Variants in TRMT44 observed in about 807,000 individuals in gnomAD.
TRMT44 encodes the protein probable tRNA (uracil-O(2)-)-methyltransferase.
In TRMT44, 78 loss-of-function variants were observed where a neutral mutation model predicts 77.3. That is an observed-to-expected ratio of 1.01 (90% CI 0.84 to 1.22). TRMT44 has a LOEUF of 1.22. TRMT44 is among the 50% of genes most tolerant of loss of function. The pLI is 0.00. For synonymous variants in TRMT44, 391 were observed against 383.3 expected (o/e 1.02, Z -0.23); for missense variants, 1,090 against 964.4 (o/e 1.13, Z -1.73).
rs1726723616 is a variant in TRMT44 at position 8,468,078 on chromosome 4, CTG to C, written c.1662_1663del (p.Cys554Ter). 6.2e-7 allele frequency: 1 copy of C among 1,613,986 alleles called. No homozygotes were observed. The highest frequency in any genetic ancestry group is 2.2e-5 in the East Asian group (1 of 44,880). On this transcript the variant is annotated frameshift_variant, in exon 9 of 11. Coordinates refer to ENST00000389737, the MANE Select transcript of TRMT44 (RefSeq NM_152544.3). LOFTEE classifies it high-confidence loss of function. ...RWVAAGSAGH[C>X]DGQQALDARV... is the part of the protein sequence containing the mutation. ...GGGTTGCTGCTGGCAGTGCTGGTCA[CTG>C]TGACGGTCAGCAAGCTCTGGACGCC...
intron 2 of TRMT44, among the ~76,000 whole-genome samples, chr4:8,491,493 G>A (rs1462278779): frequency 2.0e-5 from 3 of 152,254 alleles, no homozygotes; most frequent in Non-Finnish European, 2.9e-5. Flanking sequence ...GGGCCGCACA[G>A]GAGCCCATGG....
intron 6 of TRMT44, among the ~76,000 whole-genome samples, chr4:8,458,013 C>A (rs147840910): frequency 6.6e-5 from 10 of 152,290 alleles, no homozygotes; most frequent in African/African-American, 1.9e-4. Flanking sequence ...GTGCTGCCAA[C>A]CCAGCGCCAG....
At chr4:8,504,057 C>T in the TRMT44 span, among the ~76,000 whole-genome samples, 1 of 152,174 alleles carries the variant, frequency 6.6e-6, no homozygotes, top group East Asian at 1.9e-4. The surrounding 1 kb of genome is among the most constrained non-coding windows in gnomAD (Gnocchi z 5.3). Flanking sequence ...CCTGCTCCCC[C>T]TCCAGCCTCT....
the TRMT44 span, among the ~76,000 whole-genome samples, chr4:8,508,200 C>G: frequency 6.6e-6 from 1 of 152,086 alleles, no homozygotes; most frequent in Non-Finnish European, 1.5e-5. Flanking sequence ...AGACACTATA[C>G]CTGGCCTCAC....
intron 2 of TRMT44, among the ~76,000 whole-genome samples, chr4:8,448,657 G>A (rs1283307784): frequency 1.3e-5 from 2 of 152,366 alleles, no homozygotes; most frequent in African/African-American, 2.4e-5. Context: ...TCACAGTCCC[G>A]AGCAGGGAGC....
intron 1 of TRMT44, among the ~76,000 whole-genome samples, chr4:8,445,684 C>T (rs1004127333): frequency 1.3e-5 from 2 of 152,220 alleles, no homozygotes; most frequent in Non-Finnish European, 1.5e-5. Context: ...AGAGTTTTCT[C>T]GGCCCCACAC....
chr4:8,492,321 T>G (rs768656974), intron 2 of TRMT44, among the ~76,000 whole-genome samples: 1 of 152,176 alleles, frequency 6.6e-6, no homozygotes, highest in Non-Finnish European at 1.5e-5. Context: ...GTCCAGCCTT[T>G]CCTTTCAACA....
intron 10 of TRMT44, among the ~76,000 whole-genome samples, chr4:8,471,507 G>A (rs545054454): frequency 2.6e-5 from 4 of 152,238 alleles, no homozygotes; most frequent in Admixed American, 1.3e-4. Flanking sequence ...AGAGCAAGTC[G>A]GGTAGCCGCT....
At chr4:8,479,445 T>TG (rs1287681677), downstream of TRMT44, 1 of 151,934 alleles carries the variant, frequency 6.6e-6, no homozygotes, top group African/African-American at 2.4e-5. Context: ...ACCCAGGCTG[T>TG]GGGGGACGGG....
At chr4:8,515,329 A>G in the TRMT44 span, among the ~76,000 whole-genome samples, 1 of 152,190 alleles carries the variant, frequency 6.6e-6, no homozygotes, top group Admixed American at 6.5e-5. Flanking sequence ...GGAAATGGTC[A>G]TGGAGGATTC....
At chr4:8,470,964 G>A (rs944971539) in intron 9 of TRMT44, 120 bp from the exon 10 acceptor site, 9 of 689,734 alleles carry the variant, frequency 1.3e-5, no homozygotes, top group South Asian at 3.7e-5. Context: ...ATCGTCCTTC[G>A]TGCTGGAGTG....
At chr4:8,447,853 G>A (rs1021701677) in intron 2 of TRMT44, among the ~76,000 whole-genome samples, 5 of 152,204 alleles carry the variant, frequency 3.3e-5, no homozygotes, top group African/African-American at 1.2e-4. Context: ...CTCTGTGCTC[G>A]GCGATGCTGA....
At chr4:8,464,120 T>G in intron 7 of TRMT44, 29 bp downstream of exon 7, 1 of 1,583,758 alleles carries the variant, frequency 6.3e-7, no homozygotes, top group South Asian at 1.1e-5. Flanking sequence ...ATCAGGTGAA[T>G]GGCTGGGGAA....
chr4:8,462,149 G>A (rs1271940878), intron 6 of TRMT44, among the ~76,000 whole-genome samples: 4 of 152,182 alleles, frequency 2.6e-5, no homozygotes, highest in African/African-American at 9.7e-5. Context: ...GGTGGCTCAC[G>A]CCTGTAATCC....
chr4:8,467,462 T>C (rs1488262860), intron 8 of TRMT44, among the ~76,000 whole-genome samples: 1 of 152,156 alleles, frequency 6.6e-6, no homozygotes, highest in African/African-American at 2.4e-5. Context: ...GGTGTCAGTT[T>C]TTATTTTGTA....
intron 10 of TRMT44, 23 bp downstream of exon 10, chr4:8,471,223 G>T (rs375528488): frequency 6.8e-7 from 1 of 1,462,274 alleles, no homozygotes. Context: ...CCTCTCCCCC[G>T]CCGTTCTTTC....
In TRMT44 at chr4:8,446,628, C is replaced by A; in HGVS notation, c.734+38C>A. The A allele has an allele frequency of 2.8e-6, 4 of 1,416,518 alleles. No homozygotes were observed. Among genetic ancestry groups the A allele is most frequent in the Non-Finnish European group, 1.9e-6 (2 of 1,046,650 alleles). The allele number at this position is 1,416,518 out of a possible 1,614,324, so 87.7% of individuals were successfully genotyped here. ...CAGTGGACTCCTAGTTTTATGGTTT[C>A]CATTGAGGATTTCTTTAGGTAGCCA... On this transcript the variant is annotated intron_variant, in intron 2 of 10. Transcript: ENST00000389737. The surrounding 1 kb of genome is among the most constrained non-coding windows in gnomAD (Gnocchi z 4.3).
chr4:8,507,659 A>T, the TRMT44 span, among the ~76,000 whole-genome samples: 9 of 152,196 alleles, frequency 5.9e-5, no homozygotes, highest in African/African-American at 2.2e-4. Flanking sequence ...GTGTTCAAAC[A>T]AGCATGCTTG....
downstream of TRMT44, among the ~76,000 whole-genome samples, chr4:8,493,851 C>T (rs763441264): frequency 6.6e-6 from 1 of 151,838 alleles, no homozygotes; most frequent in Non-Finnish European, 1.5e-5. Context: ...CGAGCATAAC[C>T]ACCTCTGATT....
Sources: allele counts gnomAD v4.1 joint callset (sites outside exome capture counted in the v4.1 genomes callset), GRCh38; gene constraint gnomAD v4.1.1; non-coding constraint Gnocchi (gnomAD v3.1); transcripts MANE v1.5; gene names NCBI Gene and HGNC (gene_info 2026-07-23, HGNC 2026-07-21).